SLC25A26: variants seen among roughly 807,000 people sequenced by gnomAD.
SLC25A26 encodes the protein mitochondrial S-adenosylmethionine carrier protein.
A neutral mutation model predicts 37.8 loss-of-function variants in SLC25A26; 36 were observed. The ratio of observed to expected loss-of-function variants is 0.95; its 90% CI spans 0.73 to 1.26. The LOEUF (loss-of-function observed/expected upper bound fraction) is 1.26, where lower values mean the gene tolerates loss of function less well. SLC25A26 is among the 50% of genes most tolerant of loss of function. The pLI, the probability that SLC25A26 is intolerant of heterozygous loss-of-function variation, is 0.00. For synonymous variants in SLC25A26, 129 were observed against 122.5 expected, an observed-to-expected ratio of 1.05 and a Z score of -0.35; for missense variants, 390 against 331.1, an observed-to-expected ratio of 1.18 and a Z score of -1.38.
Position 66,322,987 on chromosome 3 carries a change from G to C in SLC25A26, c.454-23377G>C, listed in dbSNP as rs186797460. ...TATTGCATCAAAATGTAAATTTCAA[G>C]ATAAGTAAGGTATTATAAAACTCAT... On this transcript the variant is annotated intron_variant, in intron 5 of 9. Coordinates refer to ENST00000354883, the MANE Select transcript of SLC25A26 (RefSeq NM_001379210.1). Among the ~76,000 whole-genome samples the C allele has an allele frequency of 1.5e-3, 224 of 146,644 alleles. 1 individual carries two copies. The highest frequency in any genetic ancestry group is 5.2e-3 in the African/African-American group (212 of 41,070).
At chr3:66,308,453 A>G (rs968574048) in intron 5 of SLC25A26, among the ~76,000 whole-genome samples, 15 of 152,286 alleles carry the variant, frequency 9.8e-5, no homozygotes, top group African/African-American at 2.4e-4. Context: ...GCAAACGGAG[A>G]GAATTTGACT....
intron 2 of SLC25A26, among the ~76,000 whole-genome samples, chr3:66,241,994 C>T (rs1476280905): frequency 2.0e-5 from 3 of 152,020 alleles, no homozygotes; most frequent in African/African-American, 7.2e-5. Context: ...TTGTTCAGCC[C>T]CCAACTTGGA....
chr3:66,222,680 A>T (rs1553659015), intron 1 of SLC25A26, among the ~76,000 whole-genome samples: 2 of 152,202 alleles, frequency 1.3e-5, no homozygotes, highest in African/African-American at 4.8e-5. Flanking sequence ...ACTAGTTCAA[A>T]ATCACACAAG....
At chr3:66,359,903 T>C (rs1005409480) in intron 6 of SLC25A26, among the ~76,000 whole-genome samples, 6 of 152,250 alleles carry the variant, frequency 3.9e-5, no homozygotes, top group Non-Finnish European at 8.8e-5. Flanking sequence ...AGGTGATAAA[T>C]ACCTATTTGA....
chr3:66,264,741 C>T (rs951155928), intron 5 of SLC25A26, among the ~76,000 whole-genome samples: 2 of 152,094 alleles, frequency 1.3e-5, no homozygotes, highest in East Asian at 1.9e-4. Context: ...GGTTGGGGAC[C>T]GCTGGTTTAA....
intron 1 of SLC25A26, among the ~76,000 whole-genome samples, chr3:66,147,909 C>A (rs1483165656): frequency 6.6e-6 from 1 of 152,140 alleles, no homozygotes; most frequent in South Asian, 2.1e-4. Flanking sequence ...CAGGCGTGTA[C>A]CACCATGCCC....
chr3:66,241,836 G>A (rs1458494379), intron 2 of SLC25A26, among the ~76,000 whole-genome samples: 1 of 152,064 alleles, frequency 6.6e-6, no homozygotes, highest in African/African-American at 2.4e-5. Context: ...GGGAAACAAA[G>A]ATGGAAAGAG....
chr3:66,336,454 A>G (rs190434709), intron 5 of SLC25A26, among the ~76,000 whole-genome samples: 1 of 152,312 alleles, frequency 6.6e-6, no homozygotes, highest in African/African-American at 2.4e-5. Flanking sequence ...ATCTTAAGGC[A>G]ACCGGATTAT....
intron 1 of SLC25A26, among the ~76,000 whole-genome samples, chr3:66,145,017 G>A (rs181693232): frequency 1.1e-4 from 16 of 152,200 alleles, no homozygotes; most frequent in Non-Finnish European, 1.9e-4. Flanking sequence ...GGGAGTGGTG[G>A]GTGAGTCAGA....
At chr3:66,217,283 G>T (rs895949831), upstream of SLC25A26, among the ~76,000 whole-genome samples, 125,392 of 152,156 alleles carry the variant, frequency 0.82, 52,512 homozygotes, top group Middle Eastern at 0.92. Flanking sequence ...AAACTTCCAG[G>T]AACATTAGTA....
At chr3:66,145,114 T>C (rs2070096307) in intron 1 of SLC25A26, among the ~76,000 whole-genome samples, 1 of 152,144 alleles carries the variant, frequency 6.6e-6, no homozygotes, top group Non-Finnish European at 1.5e-5. Flanking sequence ...TGGGGACTGT[T>C]TATTAACAAT....
chr3:66,261,284 C>A (rs2107277193), intron 3 of SLC25A26, among the ~76,000 whole-genome samples: 1 of 152,314 alleles, frequency 6.6e-6, no homozygotes, highest in Admixed American at 6.5e-5. Flanking sequence ...CTGTACCTTG[C>A]CACCCCTTCT....
chr3:66,226,643 T>A (rs1393691871), intron 1 of SLC25A26, among the ~76,000 whole-genome samples: 1 of 152,118 alleles, frequency 6.6e-6, no homozygotes, highest in East Asian at 1.9e-4. Flanking sequence ...TTTCTTGTTT[T>A]GTAGAGACAG....
intron 1 of SLC25A26, among the ~76,000 whole-genome samples, chr3:66,215,072 C>T (rs2071340519): frequency 1.3e-5 from 2 of 152,126 alleles, no homozygotes; most frequent in East Asian, 1.9e-4. Flanking sequence ...TTGCAGTGAG[C>T]CTAGAGAGCG....
At chr3:66,274,655 C>T (rs2074072311) in intron 5 of SLC25A26, among the ~76,000 whole-genome samples, 1 of 152,230 alleles carries the variant, frequency 6.6e-6, no homozygotes, top group Non-Finnish European at 1.5e-5. Flanking sequence ...AAAAAATGCT[C>T]ATCATCACTG....
intron 6 of SLC25A26, among the ~76,000 whole-genome samples, chr3:66,350,707 T>G (rs1184086038): frequency 6.8e-5 from 9 of 132,154 alleles, no homozygotes; most frequent in Admixed American, 3.4e-4. Flanking sequence ...TGTGTGTGTG[T>G]GTGTGTGAGC....
chr3:66,209,898 T>TATATA (rs2071256377), intron 1 of SLC25A26, among the ~76,000 whole-genome samples: 17 of 38,592 alleles, frequency 4.4e-4, no homozygotes, highest in Admixed American at 8.8e-4. Context: ...CTCTCTCTAT[T>TATATA]TATATATATA....
intron 5 of SLC25A26, among the ~76,000 whole-genome samples, chr3:66,264,164 C>G (rs147849642): frequency 6.7e-6 from 1 of 149,014 alleles, no homozygotes; most frequent in Non-Finnish European, 1.5e-5. Context: ...CCCAGTTACT[C>G]GGGAGGCTGA....
intron 1 of SLC25A26, among the ~76,000 whole-genome samples, chr3:66,175,368 G>A (rs1015116036): frequency 2.6e-5 from 4 of 151,842 alleles, no homozygotes; most frequent in African/African-American, 9.7e-5. Flanking sequence ...GGGATTACAA[G>A]TGCATGCCAC....
Sources: gnomAD v4.1 joint callset for allele counts (sites outside exome capture counted in the v4.1 genomes callset) on GRCh38, gnomAD v4.1.1 for gene constraint, MANE v1.5 for transcripts, NCBI Gene and HGNC (gene_info 2026-07-23, HGNC 2026-07-21) for gene names.